Variants in FSCN2 observed in about 807,000 individuals in gnomAD.
The protein encoded by FSCN2 is fascin actin-bundling protein 2, retinal.
Under a neutral mutation model 37.8 loss-of-function variants are expected in FSCN2, and 46 were observed. The observed-to-expected ratio is 1.22, with a 90% confidence interval of 0.96 to 1.56. The LOEUF is 1.56. Among genes scored for constraint, FSCN2 ranks in the 40% most tolerant of loss-of-function variants. The pLI is 0.00. For synonymous variants in FSCN2, 351 were observed against 309.4 expected (o/e 1.13, Z -1.41); for missense variants, 844 against 730.4 (o/e 1.16, Z -1.79).
chr17:81,517,642 C>G, the FSCN2 span, among the ~76,000 whole-genome samples: 5 of 152,238 alleles, frequency 3.3e-5, no homozygotes, highest in Non-Finnish European at 5.9e-5. Context: ...CCACTGGGCC[C>G]GAGAAGAAGG....
the FSCN2 span, among the ~76,000 whole-genome samples, chr17:81,517,161 G>A: frequency 2.3e-5 from 3 of 132,830 alleles, no homozygotes; most frequent in African/African-American, 5.7e-5. Context: ...CCCCTGCCCC[G>A]CCCCACCCCC....
chr17:81,536,968 G>A lies in FSCN2; in HGVS notation c.1367G>A (p.Arg456His), dbSNP rs536571342. 8.2e-4 allele frequency: 1,269 copies of A among 1,546,422 alleles called. 26 individuals are homozygous for A. In the South Asian group the frequency reaches 0.014, roughly 17 times the overall value. Residue 456 changes from arginine (R) to histidine (H), a missense_variant, in exon 5 of 5, where the codon CGC (arginine) becomes CAC (histidine). Transcript: ENST00000417245. ...GACTTCGTCTTCGAGTTCCGTGAGC[G>A]CGGCCGCCTGGCCATCCGCGCCCGG... ...AEDFVFEFRE[R>H]GRLAIRARSG...
upstream of FSCN2, among the ~76,000 whole-genome samples, chr17:81,524,808 T>G (rs2143831421): frequency 6.6e-6 from 1 of 151,770 alleles, no homozygotes; most frequent in South Asian, 2.1e-4. Context: ...CAGGCTGGGA[T>G]CCAGGATGAC....
chr17:81,530,623 T>C, intron 1 of FSCN2: 1 of 514,834 alleles, frequency 1.9e-6, no homozygotes, highest in South Asian at 1.4e-5. Context: ...AGCTCCCCTG[T>C]CTCCTGGCAG....
At chr17:81,535,426 TCA>T (rs2032824138) in intron 2 of FSCN2, among the ~76,000 whole-genome samples, 1 of 122,306 alleles carries the variant, frequency 8.2e-6, no homozygotes, top group Non-Finnish European at 1.6e-5. Context: ...ACCATCCCCA[TCA>T]TCACCATCCC....
At chr17:81,516,635 G>C in the FSCN2 span, among the ~76,000 whole-genome samples, 1 of 152,204 alleles carries the variant, frequency 6.6e-6, no homozygotes, top group Admixed American at 6.5e-5. Flanking sequence ...GGCTGCCTCT[G>C]AGTTTTGGCT....
chr17:81,519,622 C>A, the FSCN2 span, among the ~76,000 whole-genome samples: 1 of 152,232 alleles, frequency 6.6e-6, no homozygotes, highest in Non-Finnish European at 1.5e-5. Context: ...CCCTCCGCCA[C>A]TGGGCGGGGC....
At chr17:81,515,188 A>G in the FSCN2 span, among the ~76,000 whole-genome samples, 11 of 151,860 alleles carry the variant, frequency 7.2e-5, no homozygotes, top group Non-Finnish European at 1.0e-4. Flanking sequence ...GCGCGCTGTG[A>G]TTTTTCTGTT....
At chr17:81,520,750 G>A in the FSCN2 span, among the ~76,000 whole-genome samples, 2 of 152,230 alleles carry the variant, frequency 1.3e-5, no homozygotes, top group Non-Finnish European at 2.9e-5. Flanking sequence ...AGAGCCTTCA[G>A]GCTTTTCCTT....
At chr17:81,531,197 G>GATAATA (rs1568076798) in intron 1 of FSCN2, among the ~76,000 whole-genome samples, 23 of 150,250 alleles carry the variant, frequency 1.5e-4, no homozygotes, top group African/African-American at 5.2e-4. Flanking sequence ...TGGTGATGGT[G>GATAATA]GTGATGGTGG....
intron 2 of FSCN2, 33 bp downstream of exon 2, chr17:81,535,241 C>T (rs1482045041): frequency 1.4e-6 from 2 of 1,475,140 alleles, no homozygotes; most frequent in Admixed American, 2.1e-5. Flanking sequence ...CCTCCATCAT[C>T]CCCATCCCCA....
intron 1 of FSCN2, among the ~76,000 whole-genome samples, chr17:81,534,523 C>A (rs2032787698): frequency 6.6e-6 from 1 of 151,972 alleles, no homozygotes; most frequent in Non-Finnish European, 1.5e-5. Flanking sequence ...CAGATGGAGC[C>A]CGGGGCAGTC....
rs1181484406 is a variant in FSCN2, at chr17:81,535,085, T to C, written c.860T>C (p.Leu287Pro). 1.3e-6 allele frequency: 2 copies of C among 1,533,722 alleles called. No homozygotes were observed. Among genetic ancestry groups the C allele is most frequent in the Admixed American group, 3.9e-5 (2 of 50,788 alleles). ...GTCTCAGCCAATCAGGATGATGAACTAGACCACGAGACCTTCCTGATGCAA... is the reference window on the plus strand; with the variant it reads ...GTCTCAGCCAATCAGGATGATGAACCAGACCACGAGACCTTCCTGATGCAA... The part of the protein sequence containing the change: ...VNVSANQDDE[L>P]DHETFLMQID... The change falls in exon 2 of 5, where the codon CTA becomes CCA. Residue 287 changes from leucine to proline, a missense_variant. Coordinates refer to ENST00000417245, the MANE Select transcript of FSCN2 (RefSeq NM_012418.4).
chr17:81,524,902 C>CAT, upstream of FSCN2, among the ~76,000 whole-genome samples: 1 of 145,328 alleles, frequency 6.9e-6, no homozygotes, highest in South Asian at 2.1e-4. Flanking sequence ...TTCACACACA[C>CAT]ACACACACAC....
the FSCN2 span, among the ~76,000 whole-genome samples, chr17:81,521,144 C>T: frequency 3.3e-5 from 5 of 151,994 alleles, no homozygotes; most frequent in African/African-American, 2.4e-5. Context: ...CTTGGCCCAC[C>T]GCAACCTCTC....
the FSCN2 span, among the ~76,000 whole-genome samples, chr17:81,519,616 C>G: frequency 6.6e-6 from 1 of 152,238 alleles, no homozygotes; most frequent in Non-Finnish European, 1.5e-5. Context: ...GCTCCTCCCT[C>G]CGCCACTGGG....
chr17:81,520,436 T>C, the FSCN2 span, among the ~76,000 whole-genome samples: 1 of 152,200 alleles, frequency 6.6e-6, no homozygotes, highest in African/African-American at 2.4e-5. Flanking sequence ...TGGGCTCTCT[T>C]GAAGGTTAAC....
In FSCN2 at chr17:81,536,875, G is replaced by T; in HGVS notation, c.1274G>T (p.Gly425Val). Residue 425 changes from glycine (G) to valine (V), a missense_variant and splice_region_variant, in exon 5 of 5, where the codon GGC (glycine) becomes GTC (valine). Gly to Val is a moderately radical substitution (Grantham distance 109). Coordinates refer to ENST00000417245, the MANE Select transcript of FSCN2 (RefSeq NM_012418.4). ...CCGCCGACGCCGTCCCGTCCCCCAG[G>T]CCGCGACGGAGGGTTCTGGTACACG... ...SFSDGAYRIR[G>V]RDGGFWYTGS... is the part of the protein sequence containing the mutation. 1.3e-6 allele frequency: 2 copies of T among 1,569,054 alleles called. No homozygotes were observed. The highest frequency in any genetic ancestry group is 1.4e-5 in the African/African-American group (1 of 72,922).
the FSCN2 span, among the ~76,000 whole-genome samples, chr17:81,515,079 G>A: frequency 6.6e-6 from 1 of 151,704 alleles, no homozygotes; most frequent in Non-Finnish European, 1.5e-5. Context: ...GGGGAGTCCC[G>A]GGACCGACGG....
Sources: allele counts gnomAD v4.1 joint callset (sites outside exome capture counted in the v4.1 genomes callset), GRCh38; gene constraint gnomAD v4.1.1; transcripts MANE v1.5; gene names NCBI Gene and HGNC (gene_info 2026-07-23, HGNC 2026-07-21).